Variants in PDE8B observed in about 807,000 individuals in gnomAD.
PDE8B encodes high affinity cAMP-specific and IBMX-insensitive 3',5'-cyclic phosphodiesterase 8B.
In PDE8B, 26 loss-of-function variants were observed where a neutral mutation model predicts 101.3. That is an observed-to-expected ratio of 0.26 (90% CI 0.19 to 0.36). PDE8B has a LOEUF of 0.36. PDE8B is among the 10% of genes least tolerant of loss of function. The probability of loss-of-function intolerance (pLI) is 1.00; values close to 1 mark genes in which losing one functional copy is unlikely to be tolerated. For synonymous variants in PDE8B, 424 were observed against 429.3 expected (o/e 0.99, Z 0.15); for missense variants, 810 against 1,163.1 (o/e 0.70, Z 4.42).
intron 5 of PDE8B, among the ~76,000 whole-genome samples, chr5:77,335,752 C>T (rs532012061): frequency 1.8e-4 from 28 of 152,264 alleles, no homozygotes; most frequent in Middle Eastern, 3.4e-3. Context: ...TATCTTTCTA[C>T]TTAATAGTTT....
intron 1 of PDE8B, among the ~76,000 whole-genome samples, chr5:77,226,135 C>G (rs1752347896): frequency 6.6e-6 from 1 of 151,922 alleles, no homozygotes; most frequent in African/African-American, 2.4e-5. Context: ...TTGATTTGGT[C>G]TTCTTTAATG....
At chr5:77,420,550 C>T (rs1796427963) in intron 19 of PDE8B, among the ~76,000 whole-genome samples, 1 of 152,050 alleles carries the variant, frequency 6.6e-6, no homozygotes, top group Admixed American at 6.6e-5. Context: ...CAGAGGTTGG[C>T]AAACTGGATG....
At position 77,413,265 on chromosome 5, in the gene PDE8B, G is replaced by A. The variant is rs1318900892; in HGVS notation, c.1867G>A (p.Val623Ile). Reference protein sequence around the residue: ...AYHNSTHAADVLHATAFFLGK... With the variant: ...AYHNSTHAADILHATAFFLGK... ...CCACAACTCCACCCATGCTGCCGAC[G>A]TCCTGCACGCCACCGCTTTCTTTCT... Residue 623 changes from valine to isoleucine, a missense_variant, in exon 17 of 22, where the codon GTC becomes ATC. By Grantham distance (29) the Val-to-Ile change is conservative. Transcript: ENST00000264917. The A allele has an allele frequency of 1.9e-6, 3 of 1,613,858 alleles. No homozygotes were observed. The highest frequency in any genetic ancestry group is 2.7e-5 in the African/African-American group (2 of 74,848).
At chr5:77,359,471 G>T (rs905967068) in intron 10 of PDE8B, among the ~76,000 whole-genome samples, 5 of 152,184 alleles carry the variant, frequency 3.3e-5, no homozygotes, top group Admixed American at 3.3e-4. Context: ...GCAGGCTGGG[G>T]GGTGTCTGCC....
At chr5:77,094,004 A>G in the PDE8B span, among the ~76,000 whole-genome samples, 1 of 152,290 alleles carries the variant, frequency 6.6e-6, no homozygotes, top group Admixed American at 6.5e-5. Context: ...GCTTAAAACA[A>G]CAGGTGTTTA....
chr5:77,173,392 A>C, the PDE8B span, among the ~76,000 whole-genome samples: 1 of 152,202 alleles, frequency 6.6e-6, no homozygotes, highest in African/African-American at 2.4e-5. Context: ...ACACTGATTC[A>C]TCTGACTTAA....
chr5:77,339,138 T>C (rs1256883949), intron 6 of PDE8B, among the ~76,000 whole-genome samples: 1 of 152,200 alleles, frequency 6.6e-6, no homozygotes, highest in Non-Finnish European at 1.5e-5. Context: ...CCAAAGACTT[T>C]TTAAGGTCTT....
upstream of PDE8B, among the ~76,000 whole-genome samples, chr5:77,209,889 G>A (rs1447146045): frequency 1.3e-5 from 2 of 152,184 alleles, no homozygotes; most frequent in African/African-American, 4.8e-5. Context: ...GCCTTCCTCC[G>A]CAGGGCCTCC....
the PDE8B span, among the ~76,000 whole-genome samples, chr5:77,101,331 T>C: frequency 3.7e-3 from 567 of 152,218 alleles, 1 homozygote; most frequent in African/African-American, 0.013. Flanking sequence ...TCTGAGTATG[T>C]GTGGCTTGGA....
chr5:77,351,035 G>A, intron 8 of PDE8B, 30 bp from the exon 9 acceptor site: 1 of 1,549,762 alleles, frequency 6.5e-7, no homozygotes. Flanking sequence ...CTTGACTGAA[G>A]GATTTTAAGA....
intron 10 of PDE8B, among the ~76,000 whole-genome samples, chr5:77,355,373 T>C (rs1462402019): frequency 6.6e-6 from 1 of 152,198 alleles, no homozygotes; most frequent in Non-Finnish European, 1.5e-5. Flanking sequence ...CTAACTACAG[T>C]GTTTTTCCTC....
At chr5:77,366,796 A>C (rs962930931) in intron 10 of PDE8B, among the ~76,000 whole-genome samples, 2 of 152,198 alleles carry the variant, frequency 1.3e-5, no homozygotes, top group Non-Finnish European at 2.9e-5. Flanking sequence ...AGTGACATTA[A>C]AAACTGCAAC....
At chr5:77,333,334 T>C (rs2150309274) in intron 5 of PDE8B, among the ~76,000 whole-genome samples, 1 of 152,340 alleles carries the variant, frequency 6.6e-6, no homozygotes, top group South Asian at 2.1e-4. Context: ...AGCCATGTGG[T>C]TGAGACAGAT....
At chr5:77,116,972 A>G in the PDE8B span, among the ~76,000 whole-genome samples, 1 of 152,328 alleles carries the variant, frequency 6.6e-6, no homozygotes, top group East Asian at 1.9e-4. Flanking sequence ...GCTCTCAGCC[A>G]GTCCAGCTTT....
chr5:77,321,615 G>T (rs1377842479), intron 2 of PDE8B, among the ~76,000 whole-genome samples: 2 of 152,170 alleles, frequency 1.3e-5, no homozygotes, highest in Non-Finnish European at 2.9e-5. Flanking sequence ...CTTTCCTGGA[G>T]AAGGTATTAT....
In PDE8B at chr5:77,422,005, G is replaced by C. The variant is rs1303964182; in HGVS notation, c.2418+17G>C. 1 of 1,612,508 alleles carries C rather than the reference G, an allele frequency of 6.2e-7. No individual in the cohort carries two copies. The highest frequency in any genetic ancestry group is 1.3e-5 in the African/African-American group (1 of 75,034). ...TTTGCACAGGTGCGCCATCTTTCCA[G>C]GGAAGCTCCACTTCCCCTCTGGGAA... On this transcript the variant is annotated intron_variant, in intron 20 of 21. Transcript: ENST00000264917.
chr5:77,245,860 CCA>C (rs1469418304), intron 1 of PDE8B, among the ~76,000 whole-genome samples: 9 of 92,972 alleles, frequency 9.7e-5, no homozygotes, highest in African/African-American at 5.1e-4. Context: ...CCCCCCCCCC[CCA>C]ACTTTTTGAG....
At chr5:77,292,754 C>G (rs1767650104) in intron 1 of PDE8B, among the ~76,000 whole-genome samples, 1 of 152,154 alleles carries the variant, frequency 6.6e-6, no homozygotes, top group Non-Finnish European at 1.5e-5. Context: ...ATTCAAAAAA[C>G]TCTAATAAGG....
At chr5:77,164,931 C>T in the PDE8B span, among the ~76,000 whole-genome samples, 1 of 152,194 alleles carries the variant, frequency 6.6e-6, no homozygotes, top group Non-Finnish European at 1.5e-5. Context: ...TAACTGACTA[C>T]AAGCCAGGCT....
Sources: allele counts gnomAD v4.1 joint callset (sites outside exome capture counted in the v4.1 genomes callset), GRCh38; gene constraint gnomAD v4.1.1; transcripts MANE v1.5; gene names NCBI Gene and HGNC (gene_info 2026-07-23, HGNC 2026-07-21).